Variants in PCDHGA8 observed in about 807,000 individuals in gnomAD.
The protein encoded by PCDHGA8 is protocadherin gamma-A8.
Under a neutral mutation model 59.2 loss-of-function variants are expected in PCDHGA8, and 45 were observed. The ratio of observed to expected loss-of-function variants is 0.76; its 90% CI spans 0.60 to 0.98. The LOEUF (loss-of-function observed/expected upper bound fraction) is 0.98. Ranked by LOEUF, PCDHGA8 falls within the 50% of genes least tolerant of loss-of-function variation. The probability of loss-of-function intolerance (pLI) is 0.00; values close to 1 mark genes in which losing one functional copy is unlikely to be tolerated. For synonymous variants in PCDHGA8, 531 were observed against 519.0 expected, an observed-to-expected ratio of 1.02 and a Z score of -0.32; for missense variants, 1,257 against 1,196.2, an observed-to-expected ratio of 1.05 and a Z score of -0.75.
intron 2 of PCDHGA8, among the ~76,000 whole-genome samples, chr5:141,497,920 C>T (rs548251626): frequency 6.6e-6 from 1 of 152,336 alleles, no homozygotes; most frequent in East Asian, 1.9e-4. Flanking sequence ...CTCCTTCATT[C>T]ATTCAACAAA....
chr5:141,492,934 G>A (rs1382515835), intron 1 of PCDHGA8, among the ~76,000 whole-genome samples: 7 of 152,236 alleles, frequency 4.6e-5, no homozygotes, highest in Admixed American at 4.6e-4. Flanking sequence ...TAGGGTCAGA[G>A]ATTTGGAGGT....
At position 141,512,951 on chromosome 5, in the gene PCDHGA8, AATAAT is replaced by A. The variant is rs1231390259; in HGVS notation, c.*1780_*1784del. 2.1e-5 allele frequency: 3 copies of A among 141,994 alleles called. No homozygotes were observed. Among genetic ancestry groups the A allele is most frequent in the Non-Finnish European group, 4.8e-5 (3 of 62,372 alleles). The allele number at this position is 141,994 out of a possible 1,614,324, so 8.8% of individuals were successfully genotyped here. A position where few individuals can be genotyped will look rare whatever the true frequency, so the allele number is the denominator to read the frequency against. On this transcript the variant is annotated 3_prime_UTR_variant, in exon 4 of 4. Coordinates refer to ENST00000398604, the MANE Select transcript of PCDHGA8 (RefSeq NM_032088.2). ...TATGGCTTTTTTTCTTCGACAAAAAAATAATAAAACGTTTCTTCTGAAAAGCTGAA... is the reference window on the plus strand; with the variant it reads ...TATGGCTTTTTTTCTTCGACAAAAAAAAAACGTTTCTTCTGAAAAGCTGAA...
At position 141,485,120 on chromosome 5, in the gene PCDHGA8, G is replaced by A. The variant is rs2099607447; in HGVS notation, c.2425-9687G>A. On this transcript the variant is annotated intron_variant, in intron 1 of 3. Coordinates refer to ENST00000398604, the MANE Select transcript of PCDHGA8 (RefSeq NM_032088.2). The surrounding 1 kb of genome is among the most constrained non-coding windows in gnomAD (Gnocchi z 5.7). ...TCCAGCTGCTGTGGCTGTTTGGGGC[G>A]GGTCGGCTTCATCCGCGTCTCAGGA... The A allele has an allele frequency of 1.5e-6, 2 of 1,348,050 alleles. No homozygotes were observed. Among genetic ancestry groups the A allele is most frequent in the Non-Finnish European group, 2.1e-6 (2 of 952,710 alleles). 83.5% of individuals were successfully genotyped at this position (1,348,050 alleles called of 1,614,324 possible).
chr5:141,473,004 AAAAG>A (rs1215989598), intron 1 of PCDHGA8, among the ~76,000 whole-genome samples: 5 of 151,730 alleles, frequency 3.3e-5, no homozygotes, highest in Non-Finnish European at 7.4e-5. Context: ...AAAAGAAAGA[AAAAG>A]AAAAAGAAAG....
rs778684539 is a variant in PCDHGA8 at position 141,477,205 on chromosome 5, G to A, written c.2425-17602G>A. ...CCTCCGTGTACAGCCCAGTACCCGA[G>A]GATGCCCCTCTGGGGACTGTCATCG... On this transcript the variant is annotated intron_variant, in intron 1 of 3. Transcript: ENST00000398604. The surrounding 1 kb of genome is among the most constrained non-coding windows in gnomAD (Gnocchi z 4.9). 1 of 1,614,184 alleles carries A rather than the reference G, an allele frequency of 6.2e-7. No homozygotes were observed. The highest frequency in any genetic ancestry group is 8.5e-7 in the Non-Finnish European group (1 of 1,180,042).
Position 141,485,979 on chromosome 5 carries a change from C to T in PCDHGA8, c.2425-8828C>T. ...CTCATCCAGCTCAATGCCTCAGACC[C>T]GGACCTGGGTCCCAGTGGTAACGTC... is the stretch of plus-strand genomic sequence containing the variant. On this transcript the variant is annotated intron_variant, in intron 1 of 3. Coordinates refer to ENST00000398604, the MANE Select transcript of PCDHGA8 (RefSeq NM_032088.2). The surrounding 1 kb of genome is among the most constrained non-coding windows in gnomAD (Gnocchi z 5.7). The T allele has an allele frequency of 1.2e-6, 2 of 1,614,182 alleles. No individual in the cohort carries two copies. The highest frequency in any genetic ancestry group is 1.7e-6 in the Non-Finnish European group (2 of 1,180,022).
chr5:141,413,371 C>G (rs752898022), intron 1 of PCDHGA8: 1 of 1,613,966 alleles, frequency 6.2e-7, no homozygotes, highest in Non-Finnish European at 8.5e-7. Context: ...GCTGGCGGAG[C>G]GCGGAGTCCG....
chr5:141,415,536 G>A (rs1561758201), intron 1 of PCDHGA8: 1 of 1,614,150 alleles, frequency 6.2e-7, no homozygotes, highest in Non-Finnish European at 8.5e-7. Flanking sequence ...TCAGCCAGGA[G>A]AGCTGTGAGA....
intron 1 of PCDHGA8, chr5:141,419,261 G>A (rs758952830): frequency 1.3e-5 from 21 of 1,613,864 alleles, no homozygotes; most frequent in Non-Finnish European, 1.7e-5. Context: ...CAACCAGCCG[G>A]GTGCCTCCAT....
intron 1 of PCDHGA8, chr5:141,417,232 G>A (rs997894028): frequency 6.6e-6 from 1 of 152,072 alleles, no homozygotes; most frequent in Admixed American, 6.6e-5. Context: ...AAAATTTGTT[G>A]CTTATCTTCA....
intron 2 of PCDHGA8, among the ~76,000 whole-genome samples, chr5:141,503,393 G>A (rs954734829): frequency 2.0e-5 from 3 of 151,824 alleles, no homozygotes; most frequent in African/African-American, 4.8e-5. Flanking sequence ...TCAGGAGTTC[G>A]AAACCAACCT....
chr5:141,498,827 G>C (rs2099786072), intron 2 of PCDHGA8, among the ~76,000 whole-genome samples: 1 of 152,102 alleles, frequency 6.6e-6, no homozygotes, highest in Non-Finnish European at 1.5e-5. Context: ...CAGCTACTCA[G>C]GAGGCTGAGG....
Position 141,476,873 on chromosome 5 carries a change from G to A in PCDHGA8, c.2425-17934G>A. 1.9e-6 allele frequency: 3 copies of A among 1,613,936 alleles called. No homozygotes were observed. Among genetic ancestry groups the A allele is most frequent in the Non-Finnish European group, 2.5e-6 (3 of 1,180,038 alleles). Reference sequence around the variant, plus strand: ...CAACCAGTCCTTGTACCGGGCGCGCGTCCTGGAGGATGCACCCTCCGGCAC... The same window carrying A: ...CAACCAGTCCTTGTACCGGGCGCGCATCCTGGAGGATGCACCCTCCGGCAC... On this transcript the variant is annotated intron_variant, in intron 1 of 3. Transcript: ENST00000398604. The surrounding 1 kb of genome is among the most constrained non-coding windows in gnomAD (Gnocchi z 7.6).
chr5:141,449,588 C>CAAA (rs768743917), intron 1 of PCDHGA8, among the ~76,000 whole-genome samples: 1 of 57,476 alleles, frequency 1.7e-5, no homozygotes, highest in East Asian at 5.2e-4. Context: ...GACTCTGTCT[C>CAAA]AAAAAAAAAA....
At chr5:141,441,831 C>T in intron 1 of PCDHGA8, 3 of 352,742 alleles carry the variant, frequency 8.5e-6, no homozygotes, top group South Asian at 7.2e-5. Context: ...AGCGCAATGG[C>T]TTCGCGCTCT....
At position 141,477,386 on chromosome 5, in the gene PCDHGA8, A is replaced by C; in HGVS notation, c.2425-17421A>C. 1 of 1,614,116 alleles carries C rather than the reference A, an allele frequency of 6.2e-7. No homozygotes were observed. Among genetic ancestry groups the C allele is most frequent in the South Asian group, 1.1e-5 (1 of 91,080 alleles). On this transcript the variant is annotated intron_variant, in intron 1 of 3. Coordinates refer to ENST00000398604, the MANE Select transcript of PCDHGA8 (RefSeq NM_032088.2). The surrounding 1 kb of genome is among the most constrained non-coding windows in gnomAD (Gnocchi z 4.9). ...GGATCGGGAGACTGTGCCAGAATAC[A>C]ACCTCAGCATCACCGCCCGAGACGC...
chr5:141,397,248 T>C (rs2093496152), intron 1 of PCDHGA8, among the ~76,000 whole-genome samples: 1 of 152,168 alleles, frequency 6.6e-6, no homozygotes, highest in South Asian at 2.1e-4. Flanking sequence ...CGTAGTAGGG[T>C]ATATCATTTC....
At position 141,511,963 on chromosome 5, in the gene PCDHGA8, AGT is replaced by A. The variant is rs1204123000; in HGVS notation, c.*796_*797del. On this transcript the variant is annotated 3_prime_UTR_variant, in exon 4 of 4. Transcript: ENST00000398604. ...ATGGGGTGGTAAGATAAGGAAGGGA[AGT>A]GTGTGGATGTGGATGGTGGGGGCAT... 1 of 153,636 alleles carries A rather than the reference AGT, an allele frequency of 6.5e-6. No individual in the cohort carries two copies. 9.5% of individuals were successfully genotyped at this position (153,636 alleles called of 1,614,324 possible).
intron 1 of PCDHGA8, chr5:141,421,647 G>C: frequency 6.2e-7 from 1 of 1,613,872 alleles, no homozygotes; most frequent in South Asian, 1.1e-5. Context: ...ACGAAGTGGA[G>C]ATAAAAGTCA....
Sources: gnomAD v4.1 joint callset for allele counts (sites outside exome capture counted in the v4.1 genomes callset) on GRCh38, gnomAD v4.1.1 for gene constraint, Gnocchi (gnomAD v3.1) non-coding constraint, MANE v1.5 for transcripts, NCBI Gene and HGNC (gene_info 2026-07-23, HGNC 2026-07-21) for gene names.